Variants in PREPL observed in about 807,000 individuals in gnomAD.
PREPL encodes prolyl endopeptidase like.
In PREPL, 77 loss-of-function variants were observed where a neutral mutation model predicts 70.6. The ratio of observed to expected loss-of-function variants is 1.09; its 90% CI spans 0.91 to 1.32. The LOEUF (loss-of-function observed/expected upper bound fraction) is 1.32, where lower values mean the gene tolerates loss of function less well. Among genes scored for constraint, PREPL ranks in the 40% most tolerant of loss-of-function variants. The pLI, the probability that PREPL is intolerant of heterozygous loss-of-function variation, is 0.00. For synonymous variants in PREPL, 315 were observed against 264.8 expected, an observed-to-expected ratio of 1.19 and a Z score of -1.84; for missense variants, 1,002 against 778.2, an observed-to-expected ratio of 1.29 and a Z score of -3.42.
At chr2:44,357,461 A>G (rs756269358) in intron 1 of PREPL, among the ~76,000 whole-genome samples, 1 of 152,194 alleles carries the variant, frequency 6.6e-6, no homozygotes, top group Non-Finnish European at 1.5e-5. Context: ...TTTACATTAC[A>G]TCATTTCTCA....
chr2:44,345,241 G>A (rs531800131), intron 2 of PREPL, among the ~76,000 whole-genome samples: 21 of 152,232 alleles, frequency 1.4e-4, no homozygotes, highest in African/African-American at 3.9e-4. Context: ...AGTTGGTGGC[G>A]TAATTTGAAT....
chr2:44,355,680 A>G (rs927096865), intron 1 of PREPL, among the ~76,000 whole-genome samples: 6 of 151,562 alleles, frequency 4.0e-5, no homozygotes, highest in African/African-American at 1.5e-4. Flanking sequence ...TTGCGCCTAC[A>G]TTTTTCAATA....
chr2:44,328,894 A>G (rs775939295), intron 9 of PREPL, 43 bp downstream of exon 9: 1 of 1,522,154 alleles, frequency 6.6e-7, no homozygotes, highest in Non-Finnish European at 8.9e-7. Flanking sequence ...CATCTCTCAC[A>G]ATGGTCTAGC....
At chr2:44,360,644 C>G (rs1054399170) in intron 1 of PREPL, 1 of 152,192 alleles carries the variant, frequency 6.6e-6, no homozygotes, top group African/African-American at 2.4e-5. Flanking sequence ...AGCTCCTACA[C>G]TTAACTGTGT....
At chr2:44,361,862 T>C (rs1677866318), upstream of PREPL, 8 of 1,315,328 alleles carry the variant, frequency 6.1e-6, no homozygotes, top group Non-Finnish European at 7.7e-6. Context: ...GTACCGGAAA[T>C]GCGGAATTCG....
intron 1 of PREPL, chr2:44,359,922 T>TA (rs537623051): frequency 1.1e-5 from 6 of 528,238 alleles, no homozygotes; most frequent in Non-Finnish European, 2.0e-5. Context: ...CTGTGTAAGT[T>TA]AAAGTTTCAT....
At position 44,343,791 on chromosome 2, in the gene PREPL, G is replaced by T. The variant is rs538321114; in HGVS notation, c.303C>A (p.Ser101Arg). The change falls in exon 4 of 14, where the codon AGC becomes AGA. Residue 101 changes from serine (S) to arginine (R), a missense_variant. Physicochemically the swap from Ser to Arg is moderately radical, Grantham distance 110. Coordinates refer to ENST00000409411, the MANE Select transcript of PREPL (RefSeq NM_001171613.2). ...EASTCVIIKL[S>R]DQPVMEASFP... ...AAGAAGCTTCCATTACGGGCTGATCGCTGAGCTTTATAATTACACAGGTAG... is the reference window on the plus strand; with the variant it reads ...AAGAAGCTTCCATTACGGGCTGATCTCTGAGCTTTATAATTACACAGGTAG... 4.7e-4 allele frequency: 762 copies of T among 1,613,906 alleles called. 7 individuals carry two copies. In the South Asian group the frequency reaches 7.7e-3, roughly 16 times the overall value.
At chr2:44,359,447 T>C in intron 1 of PREPL, 1 of 1,339,942 alleles carries the variant, frequency 7.5e-7, no homozygotes, top group Non-Finnish European at 1.0e-6. Flanking sequence ...ATTTTTAAAT[T>C]AAAATTAATC....
intron 6 of PREPL, 127 bp downstream of exon 6, chr2:44,339,020 G>T: frequency 7.1e-7 from 1 of 1,414,956 alleles, no homozygotes; most frequent in Non-Finnish European, 9.4e-7. Context: ...AAAGAAATGG[G>T]ATTGGTTATA....
chr2:44,342,625 ATTCT>A, intron 4 of PREPL, 73 bp from the exon 5 acceptor site: 1 of 1,214,206 alleles, frequency 8.2e-7, no homozygotes, highest in Non-Finnish European at 1.2e-6. Context: ...AGCACAGCAC[ATTCT>A]AATTTTGAAT....
intron 8 of PREPL, among the ~76,000 whole-genome samples, chr2:44,331,305 C>T (rs1413877024): frequency 1.3e-5 from 2 of 152,024 alleles, no homozygotes; most frequent in Non-Finnish European, 2.9e-5. Flanking sequence ...ACCTCTGCCT[C>T]CTGGGTTCAA....
rs698764 is a variant in PREPL at position 44,346,519 on chromosome 2, T to C, written c.-48-129A>G. The C allele has an allele frequency of 0.72, 563,774 of 781,040 alleles. 207,328 individuals carry two copies. The highest frequency in any genetic ancestry group is 0.81 in the South Asian group (47,894 of 59,352). The allele number at this position is 781,040 out of a possible 1,614,324, so 48.4% of individuals were successfully genotyped here. ...AAAAGAAATAAGATTAAATAGTAGG[T>C]ATTTCACAGATTGTAAATGTTCTTT... On this transcript the variant is annotated intron_variant, in intron 1 of 13. Transcript: ENST00000409411.
intron 1 of PREPL, among the ~76,000 whole-genome samples, chr2:44,349,650 A>G (rs569167402): frequency 6.6e-6 from 1 of 152,278 alleles, no homozygotes; most frequent in African/African-American, 2.4e-5. Flanking sequence ...TTAAAAAACA[A>G]ACATCACAAA....
chr2:44,342,240 T>C (rs1444634792), intron 5 of PREPL, among the ~76,000 whole-genome samples, 177 bp downstream of exon 5: 1 of 152,218 alleles, frequency 6.6e-6, no homozygotes, highest in East Asian at 1.9e-4. Context: ...TTTACTCTGA[T>C]TTTGAATATT....
chr2:44,347,462 G>A (rs1387812150), intron 1 of PREPL: 2 of 152,208 alleles, frequency 1.3e-5, no homozygotes, highest in African/African-American at 4.8e-5. Context: ...ATGAACATGA[G>A]TGGAGATATA....
At chr2:44,334,727 G>C (rs1674462779) in intron 7 of PREPL, among the ~76,000 whole-genome samples, 1 of 152,034 alleles carries the variant, frequency 6.6e-6, no homozygotes, top group Non-Finnish European at 1.5e-5. Context: ...TGTATTTTTA[G>C]TATTCTTTGT....
Position 44,332,575 on chromosome 2 carries a change from G to A in PREPL, c.970C>T (p.Arg324Cys), listed in dbSNP as rs770607340. ...NCPFQLCSPI[R>C]PPKYYTYKFA... ...TTGTATGTGTAATATTTTGGGGGAC[G>A]TATTGGAGAGCAAAGTTGAAAGGGG... Residue 324 changes from arginine (R) to cysteine (C), a missense_variant, in exon 8 of 14, where the codon CGT becomes TGT. By Grantham distance (180) the Arg-to-Cys change is radical (BLOSUM62 -3). Coordinates refer to ENST00000409411, the MANE Select transcript of PREPL (RefSeq NM_001171613.2). The A allele has an allele frequency of 8.7e-6, 14 of 1,613,508 alleles. No homozygotes were observed. The East Asian group carries it at 2.0e-4, about 23-fold the overall frequency.
At chr2:44,341,483 T>G (rs879299188) in intron 5 of PREPL, among the ~76,000 whole-genome samples, 1 of 152,150 alleles carries the variant, frequency 6.6e-6, no homozygotes, top group Non-Finnish European at 1.5e-5. Flanking sequence ...CTTTCTTCGC[T>G]GTTTTTATAT....
intron 10 of PREPL, among the ~76,000 whole-genome samples, chr2:44,326,495 GT>G (rs374387914): frequency 2.8e-3 from 385 of 136,742 alleles, no homozygotes; most frequent in Non-Finnish European, 2.6e-3. Flanking sequence ...GCCTGGGTAG[GT>G]TTTTTTTTTT....
Sources: allele counts gnomAD v4.1 joint callset (sites outside exome capture counted in the v4.1 genomes callset), GRCh38; gene constraint gnomAD v4.1.1; transcripts MANE v1.5; gene names NCBI Gene and HGNC (gene_info 2026-07-23, HGNC 2026-07-21).